The following SPHKAP variants were observed in gnomAD, a reference collection of about 807,000 sequenced individuals.
The protein encoded by SPHKAP is A-kinase anchor protein SPHKAP.
SPHKAP carries 67 observed loss-of-function variants against 137.5 expected under a neutral mutation model. The observed-to-expected ratio is 0.49, with a 90% CI of 0.40 to 0.60. The LOEUF (loss-of-function observed/expected upper bound fraction) is 0.60. Among genes scored for constraint, SPHKAP ranks in the 20% least tolerant of loss-of-function variants. The pLI, the probability that SPHKAP is intolerant of heterozygous loss-of-function variation, is 0.00. For missense variants in SPHKAP, 2,097 were observed against 2,069.3 expected, an observed-to-expected ratio of 1.01 and a Z score of -0.26; for synonymous variants, 813 against 785.3, an observed-to-expected ratio of 1.04 and a Z score of -0.59.
chr2:227,991,333 G>A lies in SPHKAP; in HGVS notation c.4722-7C>T, dbSNP rs763496757. ...CTTTTCTTCTACTAATTCACTTTGG[G>A]AGAAAACAACAGTATATGGTTGGTA... is the stretch of plus-strand genomic sequence containing the variant. On this transcript the variant is annotated splice_region_variant and splice_polypyrimidine_tract_variant and intron_variant, in intron 9 of 11. Transcript: ENST00000392056. 10 of 1,614,150 alleles carry A rather than the reference G, an allele frequency of 6.2e-6. No homozygotes were observed. The highest frequency in any genetic ancestry group is 8.5e-6 in the Non-Finnish European group (10 of 1,180,006).
At chr2:228,074,221 C>A (rs927341755) in intron 3 of SPHKAP, among the ~76,000 whole-genome samples, 4 of 152,180 alleles carry the variant, frequency 2.6e-5, no homozygotes, top group Non-Finnish European at 2.9e-5. Context: ...AAAGTGTGTT[C>A]AAGTACACAA....
At chr2:228,034,293 A>G (rs1365204707) in intron 3 of SPHKAP, among the ~76,000 whole-genome samples, 4 of 152,342 alleles carry the variant, frequency 2.6e-5, no homozygotes, top group Non-Finnish European at 4.4e-5. Flanking sequence ...AAATGGATAA[A>G]TTCCTCGACA....
At position 228,019,539 on chromosome 2, in the gene SPHKAP, C is replaced by T; in HGVS notation, c.1315G>A (p.Val439Met). The change falls in exon 7 of 12, where the codon GTG becomes ATG. Residue 439 changes from valine to methionine, a missense_variant. Physicochemically the swap from Val to Met is conservative, Grantham distance 21. Coordinates refer to ENST00000392056, the MANE Select transcript of SPHKAP (RefSeq NM_001142644.2). Reference sequence around the variant, plus strand: ...AGCTCATTCCATGACCGAGAAACCACTGTATCTTTTGTGGAATAGCAACTG... The same window carrying T: ...AGCTCATTCCATGACCGAGAAACCATTGTATCTTTTGTGGAATAGCAACTG... ...LPSCYSTKDT[V>M]VSRSWNELPK... The T allele has an allele frequency of 6.2e-7, 1 of 1,614,202 alleles. No individual in the cohort carries two copies. The highest frequency in any genetic ancestry group is 1.7e-5 in the Admixed American group (1 of 60,030).
At chr2:228,000,040 T>C (rs1693790392) in intron 7 of SPHKAP, among the ~76,000 whole-genome samples, 1 of 152,264 alleles carries the variant, frequency 6.6e-6, no homozygotes, top group African/African-American at 2.4e-5. Flanking sequence ...ATAAGTTCAC[T>C]GCCCTAAAAA....
At position 228,021,862 on chromosome 2, in the gene SPHKAP, C is replaced by T. The variant is rs1281176692; in HGVS notation, c.546G>A (p.Leu182=). The T allele has an allele frequency of 1.9e-6, 3 of 1,614,114 alleles. No homozygotes were observed. Among genetic ancestry groups the T allele is most frequent in the East Asian group, 4.5e-5 (2 of 44,866 alleles). ...IFEINKFLIG[L]ELVQERQLHL... ...GGAGCTGTCGCTCCTGCACCAGTTC[C>T]AGACCAATCAGAAATTTGTTGATTT... The change falls in exon 6 of 12, where the codon CTG becomes CTA. Residue 182 remains leucine (L), a synonymous_variant. Coordinates refer to ENST00000392056, the MANE Select transcript of SPHKAP (RefSeq NM_001142644.2).
At chr2:228,103,859 G>A (rs548188634) in intron 3 of SPHKAP, among the ~76,000 whole-genome samples, 1 of 152,234 alleles carries the variant, frequency 6.6e-6, no homozygotes, top group East Asian at 1.9e-4. Context: ...CTGGTTTTAT[G>A]TATTTACATT....
intron 3 of SPHKAP, among the ~76,000 whole-genome samples, chr2:228,069,476 G>T (rs920067985): frequency 7.5e-5 from 11 of 146,972 alleles, no homozygotes; most frequent in Non-Finnish European, 1.0e-4. Context: ...GAGATGGGGG[G>T]GTCTCACTCT....
In SPHKAP at chr2:228,075,712, C is replaced by T. The variant is rs182738137; in HGVS notation, c.246+33120G>A. 1.3e-4 allele frequency among the ~76,000 whole-genome samples: 20 copies of T among 152,116 alleles called. No homozygotes were observed. In the South Asian group the frequency reaches 1.9e-3, roughly 14 times the overall value. Reference sequence around the variant, plus strand: ...CTCTCATTCTCAGATGTAAGTCATGCGGAAATGCTGCAAAACATGTAATTT... The same window carrying T: ...CTCTCATTCTCAGATGTAAGTCATGTGGAAATGCTGCAAAACATGTAATTT... On this transcript the variant is annotated intron_variant, in intron 3 of 11. Transcript: ENST00000392056.
At chr2:227,994,567 A>C (rs988236738) in intron 8 of SPHKAP, among the ~76,000 whole-genome samples, 4 of 152,132 alleles carry the variant, frequency 2.6e-5, no homozygotes, top group African/African-American at 9.7e-5. Context: ...AAAGTAGAAA[A>C]TATCAACTGG....
At chr2:228,027,962 AAAAAAAAAAAAAAAG>A (rs1695119448) in intron 3 of SPHKAP, 1 of 705,314 alleles carries the variant, frequency 1.4e-6, no homozygotes, top group Non-Finnish European at 1.7e-6. Context: ...CTGCATCTGA[AAAAAAAAAAAAAAAG>A]AAAAAAGAAA....
At chr2:228,071,373 C>A (rs78601181) in intron 3 of SPHKAP, among the ~76,000 whole-genome samples, 2 of 152,164 alleles carry the variant, frequency 1.3e-5, no homozygotes, top group Non-Finnish European at 2.9e-5. Context: ...GGGAACTTGT[C>A]GGCTGCTTCT....
At chr2:228,082,573 G>T (rs561279178) in intron 3 of SPHKAP, among the ~76,000 whole-genome samples, 1 of 152,234 alleles carries the variant, frequency 6.6e-6, no homozygotes, top group South Asian at 2.1e-4. Flanking sequence ...TATAATTAAG[G>T]GATCCTCTGT....
intron 7 of SPHKAP, among the ~76,000 whole-genome samples, chr2:228,008,155 C>T (rs1463950501): frequency 6.6e-6 from 1 of 152,078 alleles, no homozygotes; most frequent in African/African-American, 2.4e-5. Context: ...CAGTGTCTTT[C>T]ACAGAGCAAA....
chr2:228,143,685 T>TC (rs1699677794), intron 1 of SPHKAP, among the ~76,000 whole-genome samples: 1 of 146,376 alleles, frequency 6.8e-6, no homozygotes, highest in Non-Finnish European at 1.5e-5. Context: ...TTTTTTTTTT[T>TC]GTAGAGATGA....
chr2:228,140,992 T>C (rs560924483), intron 1 of SPHKAP, among the ~76,000 whole-genome samples: 18 of 152,274 alleles, frequency 1.2e-4, no homozygotes, highest in East Asian at 3.9e-4. Flanking sequence ...GGTATTTCTT[T>C]ATAGCAAAAA....
intron 3 of SPHKAP, among the ~76,000 whole-genome samples, chr2:228,065,686 T>C (rs1047119208): frequency 2.6e-5 from 4 of 152,230 alleles, no homozygotes; most frequent in Non-Finnish European, 4.4e-5. Flanking sequence ...GTGCAAAGTG[T>C]GGGCTGCGGA....
chr2:228,001,291 A>G (rs1693855431), intron 7 of SPHKAP, among the ~76,000 whole-genome samples: 1 of 145,612 alleles, frequency 6.9e-6, no homozygotes, highest in Admixed American at 7.0e-5. Flanking sequence ...ACATATATCT[A>G]TACATATAAA....
intron 3 of SPHKAP, among the ~76,000 whole-genome samples, chr2:228,046,740 T>A (rs1696073093): frequency 6.6e-6 from 1 of 152,210 alleles, no homozygotes; most frequent in Non-Finnish European, 1.5e-5. Context: ...TCATTCTATT[T>A]TCCTGTCTGA....
chr2:228,029,892 A>C lies in SPHKAP; in HGVS notation c.247-2349T>G, dbSNP rs148582470. Among the ~76,000 whole-genome samples, 4 of 152,300 alleles carry C rather than the reference A, an allele frequency of 2.6e-5. No homozygotes were observed. In the East Asian group the frequency reaches 7.7e-4, roughly 29 times the overall value. On this transcript the variant is annotated intron_variant, in intron 3 of 11. Transcript: ENST00000392056. Reference sequence around the variant, plus strand: ...TCCTGGGCATGACAAAGCTTTTATTATCATGCATCACAGTGGCAGAGGGCA... The same window carrying C: ...TCCTGGGCATGACAAAGCTTTTATTCTCATGCATCACAGTGGCAGAGGGCA...
Sources: gnomAD v4.1 joint callset for allele counts (sites outside exome capture counted in the v4.1 genomes callset) on GRCh38, gnomAD v4.1.1 for gene constraint, MANE v1.5 for transcripts, NCBI Gene and HGNC (gene_info 2026-07-23, HGNC 2026-07-21) for gene names.